Variants in NRCAM observed in about 807,000 individuals in gnomAD.
NRCAM encodes neuronal cell adhesion molecule.
In NRCAM, 83 loss-of-function variants were observed where a neutral mutation model predicts 156.5. The ratio of observed to expected loss-of-function variants is 0.53; its 90% CI spans 0.44 to 0.64. The LOEUF (loss-of-function observed/expected upper bound fraction) is 0.64, where lower values mean the gene tolerates loss of function less well. NRCAM is among the 30% of genes least tolerant of loss of function. The pLI, the probability that NRCAM is intolerant of heterozygous loss-of-function variation, is 0.00. For missense variants in NRCAM, 1,417 were observed against 1,597.3 expected (o/e 0.89, Z 1.92); for synonymous variants, 538 against 563.9 (o/e 0.95, Z 0.65).
intron 27 of NRCAM, 87 bp from the exon 28 acceptor site, chr7:108,175,444 TAA>T (rs1563260053): frequency 6.0e-6 from 7 of 1,160,666 alleles, no homozygotes; most frequent in Non-Finnish European, 4.9e-6. Context: ...AAACACTTAT[TAA>T]AATGCTAAAG....
intron 3 of NRCAM, among the ~76,000 whole-genome samples, chr7:108,247,496 C>T (rs994100230): frequency 6.6e-6 from 1 of 150,948 alleles, no homozygotes; most frequent in African/African-American, 2.5e-5. Context: ...ACTTAACTTA[C>T]ATTTCTCACA....
At chr7:108,456,588 C>CA (rs1328168942), upstream of NRCAM, 1 of 152,434 alleles carries the variant, frequency 6.6e-6, no homozygotes, top group Non-Finnish European at 1.5e-5. Flanking sequence ...CCCTCCTGGC[C>CA]AACCCCCTCT....
In NRCAM at chr7:108,156,384, T is replaced by C. The variant is rs1401875923; in HGVS notation, c.3677+3079A>G. Reference sequence around the variant, plus strand: ...TGGATCTAAAGAATAAAAAAATACTTACACTCTTGGTTGCATTGTTTCTCT... The same window carrying C: ...TGGATCTAAAGAATAAAAAAATACTCACACTCTTGGTTGCATTGTTTCTCT... On this transcript the variant is annotated intron_variant, in intron 32 of 32. Coordinates refer to ENST00000379028, the MANE Select transcript of NRCAM (RefSeq NM_001037132.4). The C allele has an allele frequency of 4.1e-6, 4 of 984,066 alleles. No homozygotes were observed. The East Asian group carries it at 3.4e-4, about 84-fold the overall frequency. 61.0% of individuals were successfully genotyped at this position (984,066 alleles called of 1,614,324 possible). A position where few individuals can be genotyped will look rare whatever the true frequency, so the allele number is the denominator to read the frequency against.
intron 2 of NRCAM, among the ~76,000 whole-genome samples, chr7:108,366,228 T>C (rs2099591023): frequency 6.6e-6 from 1 of 152,204 alleles, no homozygotes; most frequent in Non-Finnish European, 1.5e-5. Flanking sequence ...CTCAGGTTTT[T>C]TGTTACAGCA....
intron 1 of NRCAM, among the ~76,000 whole-genome samples, chr7:108,406,694 A>G (rs1244106111): frequency 1.3e-5 from 2 of 152,236 alleles, no homozygotes; most frequent in Non-Finnish European, 2.9e-5. Context: ...CAGTAATACA[A>G]ATGCCATGCA....
At chr7:108,385,265 T>C (rs1327386158) in intron 2 of NRCAM, among the ~76,000 whole-genome samples, 1 of 152,222 alleles carries the variant, frequency 6.6e-6, no homozygotes, top group East Asian at 1.9e-4. Flanking sequence ...GCTGCTGTAC[T>C]GTCCTCTGAT....
At chr7:108,264,830 G>A (rs187429341) in intron 3 of NRCAM, among the ~76,000 whole-genome samples, 14 of 152,284 alleles carry the variant, frequency 9.2e-5, no homozygotes, top group Admixed American at 8.5e-4. Flanking sequence ...AATTCCACGT[G>A]TTTTGAGGGA....
intron 3 of NRCAM, among the ~76,000 whole-genome samples, chr7:108,281,530 G>T (rs2097857833): frequency 6.6e-6 from 1 of 152,208 alleles, no homozygotes; most frequent in Admixed American, 6.5e-5. Context: ...CATGGCATAG[G>T]AAATATGTGA....
chr7:108,153,225 A>G (rs539212610), intron 32 of NRCAM, among the ~76,000 whole-genome samples: 1 of 152,182 alleles, frequency 6.6e-6, no homozygotes, highest in Non-Finnish European at 1.5e-5. Flanking sequence ...CAAATTTAGC[A>G]ATCTATGAAA....
rs563403825 is a variant in NRCAM at position 108,383,669 on chromosome 7, T to A, written c.-174+15767A>T. Among the ~76,000 whole-genome samples, 15 of 152,350 alleles carry A rather than the reference T, an allele frequency of 9.8e-5. No homozygotes were observed. The East Asian group carries it at 2.9e-3, about 29-fold the overall frequency. On this transcript the variant is annotated intron_variant, in intron 2 of 32. Transcript: ENST00000379028. ...AATAAAAATTAAGAACAAGAGCTTT[T>A]AAAATGTTTCTTTTTAATAAAGTAC...
rs1292903347 is a variant in NRCAM at position 108,232,449 on chromosome 7, C to T, written c.304G>A (p.Gly102Arg). 6.2e-7 allele frequency: 1 copy of T among 1,613,650 alleles called. No homozygotes were observed. Among genetic ancestry groups the T allele is most frequent in the Admixed American group, 1.7e-5 (1 of 59,974 alleles). Residue 102 changes from glycine (G) to arginine (R), a missense_variant, in exon 7 of 33, where the codon GGA becomes AGA. Gly to Arg is a moderately radical substitution (Grantham distance 125). Around this residue, in one of 2 missense-constraint regions of NRCAM, gnomAD observed 1,238 missense variants for 1,336.4 expected, o/e 0.93. Coordinates refer to ENST00000379028, the MANE Select transcript of NRCAM (RefSeq NM_001037132.4). ...CTCATGATGTTAATTATGAGCGTTCCTGTGCCAGGCTTCATGGTGACCAGA... is the reference window on the plus strand; with the variant it reads ...CTCATGATGTTAATTATGAGCGTTCTTGTGCCAGGCTTCATGGTGACCAGA... ...DPLVTMKPGT[G>R]TLIINIMSEG...
chr7:108,232,574 T>G, intron 6 of NRCAM, 52 bp from the exon 7 acceptor site: 1 of 1,304,872 alleles, frequency 7.7e-7, no homozygotes, highest in Non-Finnish European at 1.0e-6. Flanking sequence ...AAAATGGGAT[T>G]ACCTTAACAA....
chr7:108,359,203 G>T (rs2099531154), intron 2 of NRCAM, among the ~76,000 whole-genome samples: 1 of 152,090 alleles, frequency 6.6e-6, no homozygotes, highest in Non-Finnish European at 1.5e-5. Flanking sequence ...TGCTTATCTA[G>T]GTCCTATGGG....
chr7:108,339,889 G>A (rs2154267291), intron 2 of NRCAM, among the ~76,000 whole-genome samples: 1 of 152,154 alleles, frequency 6.6e-6, no homozygotes, highest in African/African-American at 2.4e-5. Flanking sequence ...CTCTAAGAAA[G>A]AAACGACTTA....
intron 8 of NRCAM, among the ~76,000 whole-genome samples, chr7:108,228,328 A>AC (rs1554358670): frequency 2.6e-4 from 40 of 151,972 alleles, no homozygotes; most frequent in South Asian, 8.3e-4. Flanking sequence ...TCTAAAACAA[A>AC]AAAAAAAACC....
At chr7:108,302,158 G>A (rs2098635647) in intron 3 of NRCAM, among the ~76,000 whole-genome samples, 1 of 151,988 alleles carries the variant, frequency 6.6e-6, no homozygotes, top group Admixed American at 6.6e-5. Flanking sequence ...ATTGTTCCGT[G>A]TTATTGCTTC....
intron 13 of NRCAM, among the ~76,000 whole-genome samples, chr7:108,206,593 TGGTGGTG>T (rs2081278477): frequency 1.3e-5 from 2 of 152,226 alleles, no homozygotes; most frequent in African/African-American, 4.8e-5. Context: ...CGGCAGTAGC[TGGTGGTG>T]GGTGGGGTAG....
chr7:108,392,245 C>G (rs1161750318), intron 2 of NRCAM, among the ~76,000 whole-genome samples: 1 of 152,120 alleles, frequency 6.6e-6, no homozygotes, highest in Non-Finnish European at 1.5e-5. Flanking sequence ...TCACATAGTC[C>G]CATATTTCTT....
At chr7:108,382,182 T>C (rs994924341) in intron 2 of NRCAM, among the ~76,000 whole-genome samples, 1 of 151,616 alleles carries the variant, frequency 6.6e-6, no homozygotes, top group Non-Finnish European at 1.5e-5. Context: ...TCAGTTTTGC[T>C]TTCCGGAGGA....
Sources: gnomAD v4.1 joint callset for allele counts (sites outside exome capture counted in the v4.1 genomes callset) on GRCh38, gnomAD v4.1.1 for gene constraint, gnomAD v4.1.1 regional missense constraint, MANE v1.5 for transcripts, NCBI Gene and HGNC (gene_info 2026-07-23, HGNC 2026-07-21) for gene names.